The following DGKB variants were observed in gnomAD, a reference collection of about 807,000 sequenced individuals.
DGKB encodes diacylglycerol kinase beta.
A neutral mutation model predicts 114.3 loss-of-function variants in DGKB; 67 were observed. The ratio of observed to expected loss-of-function variants is 0.59; its 90% CI spans 0.48 to 0.72. DGKB has a LOEUF of 0.72. Ranked by LOEUF, DGKB falls within the 30% of genes least tolerant of loss-of-function variation. The pLI is 0.00. For missense variants in DGKB, 907 were observed against 975.2 expected (o/e 0.93, Z 0.93); for synonymous variants, 398 against 323.1 (o/e 1.23, Z -2.49).
chr7:14,762,949 CA>C (rs1835915787), intron 2 of DGKB, among the ~76,000 whole-genome samples: 2 of 152,112 alleles, frequency 1.3e-5, no homozygotes, highest in Non-Finnish European at 2.9e-5. Context: ...TGACTTTAAA[CA>C]AATCATCACC....
At chr7:14,216,260 GAAATA>G (rs1174270061) in intron 23 of DGKB, among the ~76,000 whole-genome samples, 1 of 152,090 alleles carries the variant, frequency 6.6e-6, no homozygotes, top group Non-Finnish European at 1.5e-5. Flanking sequence ...GGTTAGAGAA[GAAATA>G]AAATGACACT....
chr7:14,786,139 TACACAC>T (rs367551082), intron 2 of DGKB, among the ~76,000 whole-genome samples: 11 of 148,554 alleles, frequency 7.4e-5, no homozygotes, highest in Admixed American at 6.7e-4. Context: ...CAGGAACATG[TACACAC>T]ACACACACAC....
intron 4 of DGKB, among the ~76,000 whole-genome samples, chr7:14,748,657 AAG>A (rs1048460533): frequency 1.1e-4 from 17 of 152,324 alleles, no homozygotes; most frequent in African/African-American, 4.1e-4. Context: ...AGATCATCAA[AAG>A]AGAGTTATAG....
intron 1 of DGKB, among the ~76,000 whole-genome samples, chr7:14,942,653 T>C (rs904910721): frequency 2.0e-5 from 3 of 152,120 alleles, no homozygotes; most frequent in Non-Finnish European, 4.4e-5. Context: ...CTTCTTTCTG[T>C]TCCCTGAACT....
chr7:14,832,181 G>A (rs997834953), intron 2 of DGKB, among the ~76,000 whole-genome samples: 3 of 151,854 alleles, frequency 2.0e-5, no homozygotes, highest in Non-Finnish European at 4.4e-5. Flanking sequence ...GTTTAGAAAA[G>A]GTTACATAAG....
At chr7:14,383,574 T>C (rs1819830390) in intron 21 of DGKB, among the ~76,000 whole-genome samples, 1 of 152,234 alleles carries the variant, frequency 6.6e-6, no homozygotes, top group Admixed American at 6.5e-5. Flanking sequence ...GTGTGGTTTC[T>C]AACCTCATGA....
intron 24 of DGKB, 30 bp from the exon 25 acceptor site, chr7:14,176,929 G>T (rs2128244271): frequency 6.2e-7 from 1 of 1,610,876 alleles, no homozygotes; most frequent in East Asian, 2.2e-5. Flanking sequence ...TGTAAGTATT[G>T]CAAGGAAATA....
intron 21 of DGKB, among the ~76,000 whole-genome samples, chr7:14,427,069 G>C (rs933799995): frequency 2.6e-5 from 4 of 151,688 alleles, no homozygotes; most frequent in African/African-American, 9.7e-5. Flanking sequence ...AAAAATACAA[G>C]GGGGAACACA....
chr7:14,914,655 C>A (rs188102285), intron 1 of DGKB, among the ~76,000 whole-genome samples: 71 of 151,800 alleles, frequency 4.7e-4, no homozygotes, highest in Non-Finnish European at 7.5e-4. Flanking sequence ...AGAGACAAAG[C>A]AAGCATCAGA....
Position 14,801,909 on chromosome 7 carries a change from CACACATATAT to C in DGKB, c.70+39275_70+39284del, listed in dbSNP as rs1330387557. 7.4e-5 allele frequency among the ~76,000 whole-genome samples: 10 copies of C among 135,470 alleles called. No individual in the cohort carries two copies. In the East Asian group the frequency reaches 2.1e-3, roughly 28 times the overall value. 88.9% of individuals were successfully genotyped at this position (135,470 alleles called of 152,430 possible). A position where few individuals can be genotyped will look rare whatever the true frequency, so the allele number is the denominator to read the frequency against. ...GTGTATATATATATACACACATATA[CACACATATAT>C]ACATATACACACACACACACACACA... On this transcript the variant is annotated intron_variant, in intron 2 of 25. Coordinates refer to ENST00000402815, the MANE Select transcript of DGKB (RefSeq NM_001350709.2).
chr7:14,758,920 G>GATACATAGATAC (rs1341234996), intron 2 of DGKB, among the ~76,000 whole-genome samples: 12 of 131,760 alleles, frequency 9.1e-5, no homozygotes, highest in Admixed American at 6.6e-4. Flanking sequence ...TAGATAGATA[G>GATACATAGATAC]ATAGATAGAT....
intron 1 of DGKB, among the ~76,000 whole-genome samples, chr7:14,908,640 C>A (rs1375230796): frequency 2.6e-5 from 4 of 151,960 alleles, no homozygotes; most frequent in African/African-American, 9.7e-5. Flanking sequence ...TTGGGGAGGG[C>A]CTGAATAGCT....
intron 23 of DGKB, among the ~76,000 whole-genome samples, chr7:14,275,670 A>G (rs1798888960): frequency 1.3e-5 from 2 of 152,202 alleles, no homozygotes; most frequent in Non-Finnish European, 2.9e-5. Flanking sequence ...AGCTGAAACA[A>G]ATACTGTCTT....
rs560903628 is a variant in DGKB, at chr7:14,718,549, C to T, written c.459G>A (p.Lys153=). The change falls in exon 6 of 26, where the codon AAG becomes AAA. Residue 153 remains lysine, a synonymous_variant. Transcript: ENST00000402815. ...AAATGAAGAAACACATACACTCAAG[C>T]TTATCCTCAGGTCTTCCTCTTTCAA... ...SLLERGRPED[K]LEFMFRLYDT... is the part of the protein sequence containing the mutation. The T allele has an allele frequency of 1.2e-6, 2 of 1,611,284 alleles. No individual in the cohort carries two copies. The highest frequency in any genetic ancestry group is 2.7e-5 in the African/African-American group (2 of 74,850).
intron 1 of DGKB, among the ~76,000 whole-genome samples, chr7:14,928,931 ATCTT>A (rs1284212638): frequency 1.3e-5 from 2 of 151,906 alleles, no homozygotes; most frequent in African/African-American, 4.8e-5. Context: ...TGCAATATTT[ATCTT>A]TCTGAGACTG....
intron 13 of DGKB, among the ~76,000 whole-genome samples, chr7:14,634,859 T>A: frequency 6.6e-6 from 1 of 151,734 alleles, no homozygotes; most frequent in African/African-American, 2.4e-5. Flanking sequence ...TCCTTAATTG[T>A]GTACACTCAC....
intron 23 of DGKB, among the ~76,000 whole-genome samples, chr7:14,231,123 CTTTCTT>C (rs1791743645): frequency 8.1e-6 from 1 of 124,208 alleles, no homozygotes; most frequent in African/African-American, 3.2e-5. Flanking sequence ...TTCTTTCTTT[CTTTCTT>C]TCTTTCTTTC....
In DGKB at chr7:14,187,030, A is replaced by C. The variant is rs139765169; in HGVS notation, c.2123-8879T>G. 5.5e-3 allele frequency among the ~76,000 whole-genome samples: 831 copies of C among 152,314 alleles called. 10 individuals are homozygous for C. Among genetic ancestry groups the C allele is most frequent in the African/African-American group, 0.019 (790 of 41,566 alleles). ...ATAACTTATGGAAAAATAAATAAAT[A>C]AATAAATAAATGTTATCAGTGATGG... On this transcript the variant is annotated intron_variant, in intron 23 of 25. Coordinates refer to ENST00000402815, the MANE Select transcript of DGKB (RefSeq NM_001350709.2).
intron 25 of DGKB, among the ~76,000 whole-genome samples, chr7:14,153,579 G>C (rs1782543961): frequency 6.6e-6 from 1 of 151,778 alleles, no homozygotes; most frequent in Admixed American, 6.6e-5. Flanking sequence ...AAATCTCCTG[G>C]GCCCTCCTTG....
Sources: allele counts gnomAD v4.1 joint callset (sites outside exome capture counted in the v4.1 genomes callset), GRCh38; gene constraint gnomAD v4.1.1; transcripts MANE v1.5; gene names NCBI Gene and HGNC (gene_info 2026-07-23, HGNC 2026-07-21).